Variants in COL3A1 observed in about 807,000 individuals in gnomAD.
COL3A1 encodes the protein collagen type III alpha 1 chain.
In COL3A1, 46 loss-of-function variants were observed where a neutral mutation model predicts 200.9. The observed-to-expected ratio is 0.23, with a 90% confidence interval of 0.18 to 0.29. The LOEUF is 0.29. COL3A1 is among the 10% of genes least tolerant of loss of function. The pLI, the probability that COL3A1 is intolerant of heterozygous loss-of-function variation, is 1.00. For missense variants in COL3A1, 1,367 were observed against 1,917.6 expected (o/e 0.71, Z 5.36); for synonymous variants, 650 against 628.0 (o/e 1.03, Z -0.52).
intron 1 of COL3A1, among the ~76,000 whole-genome samples, chr2:188,975,440 C>A (rs918049425): frequency 5.3e-5 from 8 of 152,020 alleles, no homozygotes; most frequent in African/African-American, 1.2e-4. Context: ...TGAAAATATT[C>A]TTTTATTTAC....
chr2:189,005,232 A>C, intron 40 of COL3A1, 118 bp from the exon 41 acceptor site: 1 of 965,634 alleles, frequency 1.0e-6, no homozygotes, highest in Non-Finnish European at 1.6e-6. Context: ...TTTAATTTTA[A>C]AATTCAATGA....
Position 189,008,049 on chromosome 2 carries a change from C to T in COL3A1, c.3432C>T (p.Pro1144=). The T allele has an allele frequency of 6.2e-7, 1 of 1,614,050 alleles. No homozygotes were observed. Among genetic ancestry groups the T allele is most frequent in the Non-Finnish European group, 8.5e-7 (1 of 1,179,952 alleles). The change falls in exon 47 of 51, where the codon CCC becomes CCT. Residue 1144 remains proline, a synonymous_variant. Coordinates refer to ENST00000304636, the MANE Select transcript of COL3A1 (RefSeq NM_000090.4). ...GPAGPRGPVG[P]SGPPGKDGTS... The stretch of plus-strand genomic sequence containing the variant: ...TACTTTCTTAGGGACCTGTTGGACC[C>T]AGTGGACCTCCTGGCAAAGATGGAA...
chr2:188,985,019 C>A, intron 2 of COL3A1, 57 bp downstream of exon 2: 1 of 1,511,600 alleles, frequency 6.6e-7, no homozygotes, highest in Non-Finnish European at 9.2e-7. Context: ...ACATGAATAG[C>A]TCCTATATCA....
intron 4 of COL3A1, 136 bp from the exon 5 acceptor site, chr2:188,986,923 T>C (rs905787460): frequency 1.4e-6 from 1 of 736,194 alleles, no homozygotes; most frequent in South Asian, 1.5e-5. Flanking sequence ...AGATAATTAG[T>C]GAATACATAC....
In COL3A1 at chr2:188,993,393, A is replaced by G; in HGVS notation, c.1083A>G (p.Ser361=). The part of the protein sequence containing the change: ...GEVGPAGSPG[S]NGAPGQRGEP... ...TTGGACCTGCAGGGTCTCCTGGTTC[A>G]AATGGTGCCCCTGGACAAAGAGGAG... The change falls in exon 16 of 51, where the codon TCA becomes TCG. Residue 361 remains serine (S), a synonymous_variant. Coordinates refer to ENST00000304636, the MANE Select transcript of COL3A1 (RefSeq NM_000090.4). 1 of 1,570,938 alleles carries G rather than the reference A, an allele frequency of 6.4e-7. No individual in the cohort carries two copies. The highest frequency in any genetic ancestry group is 8.6e-7 in the Non-Finnish European group (1 of 1,156,750).
At chr2:188,995,825 T>A (rs1170083916) in intron 22 of COL3A1, 35 bp downstream of exon 22, 6 of 1,477,916 alleles carry the variant, frequency 4.1e-6, no homozygotes, top group Non-Finnish European at 5.6e-6. Flanking sequence ...GACACTTTAA[T>A]TTAGACAGAA....
At chr2:188,993,006 C>G in intron 15 of COL3A1, 66 bp downstream of exon 15, 1 of 1,429,570 alleles carries the variant, frequency 7.0e-7, no homozygotes, top group Non-Finnish European at 9.9e-7. Flanking sequence ...CATTAGATTG[C>G]TTCTTGCAAC....
At chr2:188,995,299 T>C (rs1688281573) in intron 21 of COL3A1, among the ~76,000 whole-genome samples, 200 bp downstream of exon 21, 1 of 152,220 alleles carries the variant, frequency 6.6e-6, no homozygotes, top group Non-Finnish European at 1.5e-5. Flanking sequence ...TCTATGAGAA[T>C]CCTTTACTTA....
rs750485954 is a variant in COL3A1 at position 188,994,520 on chromosome 2, C to G, written c.1294-21C>G. The G allele has an allele frequency of 1.9e-6, 3 of 1,613,826 alleles. No individual in the cohort carries two copies. Among genetic ancestry groups the G allele is most frequent in the Non-Finnish European group, 2.5e-6 (3 of 1,179,846 alleles). On this transcript the variant is annotated intron_variant, in intron 18 of 50. Transcript: ENST00000304636. This position sits in a 1 kb window ranked among gnomAD's most constrained non-coding sequence, Gnocchi z 4.5. ...AGTCGAATCCTCCCTGTGTTTCAAC[C>G]AAGACTTTGTTATACTTTAGGGTGA...
intron 26 of COL3A1, 56 bp downstream of exon 26, chr2:188,997,445 G>A (rs1296362134): frequency 1.3e-6 from 2 of 1,532,098 alleles, no homozygotes; most frequent in Non-Finnish European, 1.8e-6. Context: ...GGGGCAGGAA[G>A]AATGCTTCAA....
chr2:188,997,620 C>T, intron 26 of COL3A1, 80 bp from the exon 27 acceptor site: 1 of 1,415,414 alleles, frequency 7.1e-7, no homozygotes, highest in Non-Finnish European at 9.9e-7. Flanking sequence ...TATAATTAAG[C>T]AACAGGCCTG....
At chr2:189,001,697 G>A in intron 34 of COL3A1, 108 bp downstream of exon 34, 1 of 1,112,060 alleles carries the variant, frequency 9.0e-7, no homozygotes, top group Non-Finnish European at 1.4e-6. Context: ...GCCTCAATTT[G>A]GAGATATTAT....
chr2:189,004,528 G>T (rs1688545954), intron 40 of COL3A1, among the ~76,000 whole-genome samples, 164 bp downstream of exon 40: 1 of 151,918 alleles, frequency 6.6e-6, no homozygotes, highest in African/African-American at 2.4e-5. Flanking sequence ...TTAATAAATG[G>T]CTCCAGAACA....
intron 41 of COL3A1, 53 bp downstream of exon 41, chr2:189,005,510 A>ACCTTT: frequency 5.4e-6 from 8 of 1,477,528 alleles, no homozygotes; most frequent in Non-Finnish European, 7.6e-6. Context: ...AATTTATTTC[A>ACCTTT]GCAAAGGTGA....
intron 41 of COL3A1, 115 bp downstream of exon 41, chr2:189,005,572 T>C (rs1688567117): frequency 1.2e-6 from 1 of 818,246 alleles, no homozygotes; most frequent in Non-Finnish European, 2.1e-6. Context: ...GCAAAGTTCT[T>C]CTATCTCTAA....
At position 189,008,143 on chromosome 2, in the gene COL3A1, G is replaced by T. The variant is rs2153503987; in HGVS notation, c.3525+1G>T. 6.2e-7 allele frequency: 1 copy of T among 1,609,710 alleles called. No individual in the cohort carries two copies. Among genetic ancestry groups the T allele is most frequent in the Non-Finnish European group, 8.5e-7 (1 of 1,177,086 alleles). ...TAACAGAGGTGAAAGAGGATCTGAG[G>T]TAAGACATCACTTATACGTATGTGT... is the stretch of plus-strand genomic sequence containing the variant. On this transcript the variant is annotated splice_donor_variant, in intron 47 of 50. Transcript: ENST00000304636. LOFTEE classifies it high-confidence loss of function.
intron 1 of COL3A1, among the ~76,000 whole-genome samples, chr2:188,983,250 GA>G (rs1024822429): frequency 3.3e-5 from 5 of 151,838 alleles, no homozygotes; most frequent in African/African-American, 1.2e-4. Context: ...ATTAAAAAAT[GA>G]AGCTTTCCTT....
At position 189,006,402 on chromosome 2, in the gene COL3A1, C is replaced by T. The variant is rs867793454; in HGVS notation, c.3151C>T (p.Pro1051Ser). The change falls in exon 43 of 51, where the codon CCA becomes TCA. Residue 1051 changes from proline (P) to serine (S), a missense_variant. Pro to Ser is a moderately conservative substitution (Grantham distance 74). Transcript: ENST00000304636. ...CCCTGGCGCTCCTGGTCATCCAGGC[C>T]CACCTGGTCCTGTCGGTCCAGCTGG... ...GAPGAPGHPG[P>S]PGPVGPAGKS... 6.2e-7 allele frequency: 1 copy of T among 1,614,086 alleles called. No homozygotes were observed. The highest frequency in any genetic ancestry group is 1.7e-5 in the Admixed American group (1 of 60,014).
chr2:188,978,124 T>A, intron 1 of COL3A1: 1 of 357,056 alleles, frequency 2.8e-6, no homozygotes, highest in Non-Finnish European at 5.6e-6. Context: ...CATCTGATGT[T>A]GAATACTCTT....
Sources: allele counts gnomAD v4.1 joint callset (sites outside exome capture counted in the v4.1 genomes callset), GRCh38; gene constraint gnomAD v4.1.1; non-coding constraint Gnocchi (gnomAD v3.1); transcripts MANE v1.5; gene names NCBI Gene and HGNC (gene_info 2026-07-23, HGNC 2026-07-21).